ANKRD33B: variants seen among roughly 807,000 people sequenced by gnomAD.
The protein encoded by ANKRD33B is ankyrin repeat domain-containing protein 33B.
ANKRD33B carries 6 observed loss-of-function variants against 21.5 expected under a neutral mutation model. That is an observed-to-expected ratio of 0.28 (90% confidence interval 0.15 to 0.55). ANKRD33B has a LOEUF of 0.55. ANKRD33B is among the 20% of genes least tolerant of loss of function. ANKRD33B has a pLI of 0.94. For synonymous variants in ANKRD33B, 347 were observed against 342.4 expected, an observed-to-expected ratio of 1.01 and a Z score of -0.15; for missense variants, 698 against 747.2, an observed-to-expected ratio of 0.93 and a Z score of 0.77.
chr5:10,617,965 G>T (rs1222916289), intron 1 of ANKRD33B, among the ~76,000 whole-genome samples: 1 of 152,130 alleles, frequency 6.6e-6, no homozygotes, highest in African/African-American at 2.4e-5. Flanking sequence ...CTAGAGAGCT[G>T]CACCCGCCCT....
chr5:10,597,776 A>G (rs1158618977), intron 1 of ANKRD33B, among the ~76,000 whole-genome samples: 3 of 152,366 alleles, frequency 2.0e-5, no homozygotes, highest in Middle Eastern at 3.4e-3. Context: ...AGTTGCTCAC[A>G]TAATCAGAAG....
intron 3 of ANKRD33B, among the ~76,000 whole-genome samples, chr5:10,646,403 C>T (rs1203964292): frequency 6.6e-6 from 1 of 152,184 alleles, no homozygotes; most frequent in Non-Finnish European, 1.5e-5. Context: ...TAACCCTTTA[C>T]AGTTGCTTCC....
At chr5:10,636,534 T>G (rs551300098) in intron 2 of ANKRD33B, among the ~76,000 whole-genome samples, 1 of 152,306 alleles carries the variant, frequency 6.6e-6, no homozygotes, top group South Asian at 2.1e-4. Flanking sequence ...GGAGGATCTC[T>G]TGAGCCCAGG....
At chr5:10,597,130 T>C (rs1025391633) in intron 1 of ANKRD33B, among the ~76,000 whole-genome samples, 3 of 152,086 alleles carry the variant, frequency 2.0e-5, no homozygotes, top group African/African-American at 7.2e-5. Flanking sequence ...GGCAACAACA[T>C]AAACAACTCT....
intron 1 of ANKRD33B, among the ~76,000 whole-genome samples, chr5:10,569,756 G>C (rs1387900403): frequency 6.6e-6 from 1 of 152,196 alleles, no homozygotes; most frequent in Non-Finnish European, 1.5e-5. Flanking sequence ...GGTCTCAGCT[G>C]AAATGGGCTT....
rs149932608 is a variant in ANKRD33B, at chr5:10,638,640, G to C, written c.637+472G>C. On this transcript the variant is annotated intron_variant, in intron 3 of 3. Coordinates refer to ENST00000296657, the MANE Select transcript of ANKRD33B (RefSeq NM_001164440.2). ...TGATGTGGAGTTGCATGTTAATGTT[G>C]GGATGTGATGTGGAGTTGCATGGTA... Among the ~76,000 whole-genome samples, 8 of 151,910 alleles carry C rather than the reference G, an allele frequency of 5.3e-5. No individual in the cohort carries two copies. The East Asian group carries it at 1.2e-3, about 22-fold the overall frequency.
At chr5:10,580,493 T>G (rs899208798) in intron 1 of ANKRD33B, among the ~76,000 whole-genome samples, 1 of 151,110 alleles carries the variant, frequency 6.6e-6, no homozygotes, top group African/African-American at 2.4e-5. Context: ...GGATGTTTCT[T>G]GTCCCCCACC....
intron 1 of ANKRD33B, among the ~76,000 whole-genome samples, chr5:10,571,060 T>G (rs1230803250): frequency 6.6e-6 from 1 of 152,172 alleles, no homozygotes; most frequent in Non-Finnish European, 1.5e-5. Flanking sequence ...AAACAACAGG[T>G]AGAATAATCT....
chr5:10,615,580 T>G (rs549198779), intron 1 of ANKRD33B, among the ~76,000 whole-genome samples: 7 of 152,362 alleles, frequency 4.6e-5, no homozygotes, highest in African/African-American at 1.7e-4. Context: ...CTAAGACATA[T>G]AGCAAATGGT....
In ANKRD33B at chr5:10,618,514, G is replaced by A. The variant is rs983386932; in HGVS notation, c.496+52G>A. On this transcript the variant is annotated intron_variant, in intron 2 of 3. Transcript: ENST00000296657. Reference sequence around the variant, plus strand: ...TCAGAGCCGTGGCCAGAGCACCGCCGCCGGGCAGCCCGGGCTCCCGTTGCG... The same window carrying A: ...TCAGAGCCGTGGCCAGAGCACCGCCACCGGGCAGCCCGGGCTCCCGTTGCG... The A allele has an allele frequency of 2.4e-5, 36 of 1,473,194 alleles. No homozygotes were observed. In the African/African-American group the frequency reaches 3.1e-4, roughly 13 times the overall value. The allele number at this position is 1,473,194 out of a possible 1,614,324, so 91.3% of individuals were successfully genotyped here.
At chr5:10,620,357 C>A (rs1344615881) in intron 2 of ANKRD33B, among the ~76,000 whole-genome samples, 1 of 152,214 alleles carries the variant, frequency 6.6e-6, no homozygotes, top group African/African-American at 2.4e-5. Flanking sequence ...TGGTTTTGAG[C>A]TGGCTATCAT....
At chr5:10,614,025 G>GTGTGTGTGTGTGTGTGTGTGTA (rs1295818243) in intron 1 of ANKRD33B, among the ~76,000 whole-genome samples, 15 of 150,568 alleles carry the variant, frequency 1.0e-4, no homozygotes, top group African/African-American at 3.7e-4. Context: ...GTGTGTGTGT[G>GTGTGTGTGTGTGTGTGTGTGTA]TATAAACATA....
chr5:10,648,907 G>A (rs1737250710), intron 3 of ANKRD33B, among the ~76,000 whole-genome samples: 1 of 152,304 alleles, frequency 6.6e-6, no homozygotes, highest in Admixed American at 6.5e-5. Flanking sequence ...GAGGTGGGAG[G>A]ATTGCTTGAA....
At chr5:10,647,361 C>T (rs545005044) in intron 3 of ANKRD33B, among the ~76,000 whole-genome samples, 7 of 152,138 alleles carry the variant, frequency 4.6e-5, no homozygotes, top group Non-Finnish European at 8.8e-5. Context: ...CTGCCCTCCT[C>T]GGCCTCCAAA....
chr5:10,614,638 A>G (rs1004148010), intron 1 of ANKRD33B, among the ~76,000 whole-genome samples: 7 of 152,070 alleles, frequency 4.6e-5, no homozygotes, highest in African/African-American at 9.6e-5. Context: ...TGTAATCCCA[A>G]CACTTTGGGA....
intron 1 of ANKRD33B, among the ~76,000 whole-genome samples, chr5:10,617,156 G>T (rs1487492025): frequency 6.6e-6 from 1 of 152,184 alleles, no homozygotes; most frequent in Non-Finnish European, 1.5e-5. Flanking sequence ...ATTCCACTGG[G>T]AGCTAGGATT....
chr5:10,648,513 A>C (rs1737240653), intron 3 of ANKRD33B, among the ~76,000 whole-genome samples: 1 of 152,228 alleles, frequency 6.6e-6, no homozygotes, highest in Non-Finnish European at 1.5e-5. Context: ...TAATCCCAGC[A>C]CTTTGGGAGG....
At chr5:10,646,868 C>T (rs1737198837) in intron 3 of ANKRD33B, among the ~76,000 whole-genome samples, 1 of 152,198 alleles carries the variant, frequency 6.6e-6, no homozygotes, top group African/African-American at 2.4e-5. Flanking sequence ...CTGGGTCTGC[C>T]AGAGCCATGA....
At chr5:10,588,197 G>T (rs370698282) in intron 1 of ANKRD33B, among the ~76,000 whole-genome samples, 188 of 152,326 alleles carry the variant, frequency 1.2e-3, no homozygotes, top group African/African-American at 4.3e-3. Flanking sequence ...GCGAATTCAT[G>T]ATCTAGGCAT....
Sources: allele counts gnomAD v4.1 joint callset (sites outside exome capture counted in the v4.1 genomes callset), GRCh38; gene constraint gnomAD v4.1.1; transcripts MANE v1.5; gene names NCBI Gene and HGNC (gene_info 2026-07-23, HGNC 2026-07-21).